SCHIP1: variants seen among roughly 807,000 people sequenced by gnomAD.
SCHIP1 encodes the protein schwannomin interacting protein 1, also known as schwannomin-interacting protein 1.
SCHIP1 carries 8 observed loss-of-function variants against 29.7 expected under a neutral mutation model. The observed-to-expected ratio is 0.27, with a 90% CI of 0.16 to 0.49. The LOEUF (loss-of-function observed/expected upper bound fraction) is 0.49, where lower values mean the gene tolerates loss of function less well. Among genes scored for constraint, SCHIP1 ranks in the 20% least tolerant of loss-of-function variants. SCHIP1 has a pLI of 0.99. For missense variants in SCHIP1, 193 were observed against 294.6 expected, an observed-to-expected ratio of 0.66 and a Z score of 2.52; for synonymous variants, 76 against 94.9, an observed-to-expected ratio of 0.80 and a Z score of 1.16.
At chr3:159,714,362 G>A in the SCHIP1 span, among the ~76,000 whole-genome samples, 46 of 152,212 alleles carry the variant, frequency 3.0e-4, no homozygotes, top group Non-Finnish European at 5.9e-4. Flanking sequence ...CTGAGGTACC[G>A]GGTTCACTGG....
At chr3:159,440,335 A>G in the SCHIP1 span, among the ~76,000 whole-genome samples, 1 of 152,154 alleles carries the variant, frequency 6.6e-6, no homozygotes, top group Non-Finnish European at 1.5e-5. Flanking sequence ...GTTGGAAGTC[A>G]GGTAACATGA....
At chr3:159,510,247 C>T in the SCHIP1 span, among the ~76,000 whole-genome samples, 1 of 152,146 alleles carries the variant, frequency 6.6e-6, no homozygotes, top group African/African-American at 2.4e-5. Context: ...CCCTTTCTTC[C>T]AGTTGATTGA....
chr3:159,551,520 A>T, the SCHIP1 span, among the ~76,000 whole-genome samples: 1 of 152,216 alleles, frequency 6.6e-6, no homozygotes, highest in Non-Finnish European at 1.5e-5. Context: ...TTCTTCCAGT[A>T]GAATCAATAT....
At chr3:159,368,005 C>T in the SCHIP1 span, among the ~76,000 whole-genome samples, 5 of 151,976 alleles carry the variant, frequency 3.3e-5, no homozygotes, top group African/African-American at 7.3e-5. Flanking sequence ...TTCTATATTC[C>T]AACTTTCTAA....
At chr3:159,705,026 C>T in the SCHIP1 span, among the ~76,000 whole-genome samples, 2 of 151,716 alleles carry the variant, frequency 1.3e-5, no homozygotes, top group Non-Finnish European at 2.9e-5. Context: ...TGCAATGGCA[C>T]AATCTTGGCT....
chr3:159,792,966 TTG>T, the SCHIP1 span, among the ~76,000 whole-genome samples: 1 of 152,194 alleles, frequency 6.6e-6, no homozygotes, highest in South Asian at 2.1e-4. Context: ...CTTGTTTTCA[TTG>T]TGTGTTTGCC....
At chr3:159,705,017 G>A in the SCHIP1 span, among the ~76,000 whole-genome samples, 1 of 151,318 alleles carries the variant, frequency 6.6e-6, no homozygotes, top group South Asian at 2.1e-4. Context: ...AGGCTGGACT[G>A]CAATGGCACA....
chr3:159,515,964 A>G, the SCHIP1 span, among the ~76,000 whole-genome samples: 2 of 150,174 alleles, frequency 1.3e-5, no homozygotes, highest in Non-Finnish European at 3.0e-5. Flanking sequence ...TGAAAAATAC[A>G]TAGCAAGCAA....
At chr3:159,766,316 GGTTC>G in the SCHIP1 span, among the ~76,000 whole-genome samples, 7 of 152,162 alleles carry the variant, frequency 4.6e-5, no homozygotes, top group South Asian at 1.5e-3. Flanking sequence ...AAATTGCCAT[GGTTC>G]TATCAGAGAG....
chr3:159,544,108 T>C, the SCHIP1 span, among the ~76,000 whole-genome samples: 1 of 152,098 alleles, frequency 6.6e-6, no homozygotes, highest in African/African-American at 2.4e-5. Context: ...GCCTGACTTC[T>C]ATCACAATAG....
the SCHIP1 span, among the ~76,000 whole-genome samples, chr3:159,370,688 G>T: frequency 1.3e-5 from 2 of 152,186 alleles, no homozygotes; most frequent in African/African-American, 4.8e-5. Context: ...AAAAAGTGGA[G>T]AAATGGATGA....
the SCHIP1 span, among the ~76,000 whole-genome samples, chr3:159,718,191 C>A: frequency 6.6e-6 from 1 of 152,066 alleles, no homozygotes; most frequent in Non-Finnish European, 1.5e-5. Flanking sequence ...GCCTTTCATG[C>A]GAAAAACTCT....
the SCHIP1 span, among the ~76,000 whole-genome samples, chr3:159,552,087 G>GGA: frequency 3.7e-5 from 5 of 133,698 alleles, no homozygotes; most frequent in African/African-American, 1.4e-4. Context: ...TGCCCAGGCT[G>GGA]GAGTGCACTG....
intron 2 of SCHIP1, among the ~76,000 whole-genome samples, chr3:159,867,395 T>C (rs1327580960): frequency 6.6e-6 from 1 of 152,252 alleles, no homozygotes; most frequent in African/African-American, 2.4e-5. Context: ...GTATTCCATA[T>C]GGCTTTCAGT....
chr3:159,892,262 C>T (rs1560099519), intron 6 of SCHIP1, 72 bp downstream of exon 7: 13 of 1,563,588 alleles, frequency 8.3e-6, no homozygotes, highest in Non-Finnish European at 1.1e-5. Context: ...TAGGCAAAAA[C>T]TAGCTCAAGA....
At chr3:159,884,491 A>G (rs1046569517) in intron 2 of SCHIP1, among the ~76,000 whole-genome samples, 1 of 152,046 alleles carries the variant, frequency 6.6e-6, no homozygotes, top group African/African-American at 2.4e-5. Context: ...TGTCTCAGAG[A>G]GTTGATTCTA....
chr3:159,457,174 T>C, the SCHIP1 span, among the ~76,000 whole-genome samples: 1 of 152,204 alleles, frequency 6.6e-6, no homozygotes, highest in East Asian at 1.9e-4. Context: ...CTGATGACCA[T>C]GCCTATAATT....
At chr3:159,764,192 C>G in the SCHIP1 span, 1 of 447,672 alleles carries the variant, frequency 2.2e-6, no homozygotes, top group East Asian at 3.4e-5. The surrounding 1 kb of genome is among the most constrained non-coding windows in gnomAD (Gnocchi z 6.1). Flanking sequence ...AGTGTGCGCG[C>G]TGGTGGCTGG....
the SCHIP1 span, among the ~76,000 whole-genome samples, chr3:159,550,494 A>G: frequency 1.3e-5 from 2 of 152,080 alleles, no homozygotes; most frequent in Non-Finnish European, 2.9e-5. Flanking sequence ...TTTGCTTTAA[A>G]GACTATATTG....
Sources: allele counts gnomAD v4.1 joint callset (sites outside exome capture counted in the v4.1 genomes callset), GRCh38; gene constraint gnomAD v4.1.1; non-coding constraint Gnocchi (gnomAD v3.1); transcripts MANE v1.5; gene names NCBI Gene and HGNC (gene_info 2026-07-23, HGNC 2026-07-21).